Variants in TMEM134 observed in about 807,000 individuals in gnomAD.
TMEM134 encodes the protein transmembrane protein 134.
Under a neutral mutation model 26.2 loss-of-function variants are expected in TMEM134, and 36 were observed. The observed-to-expected ratio is 1.37, with a 90% confidence interval of 1.05 to 1.81. The LOEUF (loss-of-function observed/expected upper bound fraction) is 1.81, where lower values mean the gene tolerates loss of function less well. Ranked by LOEUF, TMEM134 falls within the 40% of genes most tolerant of loss-of-function variation. TMEM134 has a pLI of 0.00. For missense variants in TMEM134, 339 were observed against 263.5 expected (o/e 1.29, Z -1.98); for synonymous variants, 133 against 113.6 (o/e 1.17, Z -1.08).
chr11:67,467,233 G>C (rs971280922), intron 4 of TMEM134, 79 bp downstream of exon 4: 3 of 1,378,556 alleles, frequency 2.2e-6, no homozygotes, highest in Admixed American at 3.5e-5. Context: ...CAGTGTCAAG[G>C]GGGAGGCAGA....
chr11:67,461,714 G>A lies in TMEM134; in HGVS notation c.*2900C>T, dbSNP rs1221585424. 6.6e-6 allele frequency: 1 copy of A among 152,168 alleles called. No individual in the cohort carries two copies. Among genetic ancestry groups the A allele is most frequent in the African/African-American group, 2.4e-5 (1 of 41,430 alleles). The allele number at this position is 152,168 out of a possible 1,614,324, so 9.4% of individuals were successfully genotyped here. A position where few individuals can be genotyped will look rare whatever the true frequency, so the allele number is the denominator to read the frequency against. ...AAAGTCAAGTCAACAAATGAGTGTGGCTATATCAGAAATTTTAATAAATAA... is the reference window on the plus strand; with the variant it reads ...AAAGTCAAGTCAACAAATGAGTGTGACTATATCAGAAATTTTAATAAATAA... On this transcript the variant is annotated 3_prime_UTR_variant, in exon 7 of 7. Coordinates refer to ENST00000308022, the MANE Select transcript of TMEM134 (RefSeq NM_025124.4).
Position 67,467,746 on chromosome 11 carries a change from C to T in TMEM134, c.240-156G>A, listed in dbSNP as rs1865364998. The T allele has an allele frequency of 5.4e-6, 4 of 743,922 alleles. No homozygotes were observed. In the Admixed American group the frequency reaches 6.7e-5, roughly 12 times the overall value. 46.1% of individuals were successfully genotyped at this position (743,922 alleles called of 1,614,324 possible). On this transcript the variant is annotated intron_variant, in intron 2 of 6. Transcript: ENST00000308022. Reference sequence around the variant, plus strand: ...AGGCCTCGGTGGGTGAGCATGAATTCAGGGGCTGGGGATGAGCTAGGGGAT... The same window carrying T: ...AGGCCTCGGTGGGTGAGCATGAATTTAGGGGCTGGGGATGAGCTAGGGGAT...
chr11:67,469,169 G>A lies in TMEM134; in HGVS notation c.24C>T (p.Phe8=), dbSNP rs1394147178. Residue 8 remains phenylalanine, a synonymous_variant, in exon 1 of 7, where the codon TTC becomes TTT. Transcript: ENST00000308022. MSAARPQ[F]SIDDAFELSL... ...ACAGCTCGAAGGCATCATCAATGCT[G>A]AACTGGGGCCGGGCGGCGCTCATGG... is the stretch of plus-strand genomic sequence containing the variant. 7.3e-7 allele frequency: 1 copy of A among 1,378,750 alleles called. No individual in the cohort carries two copies. The highest frequency in any genetic ancestry group is 9.5e-7 in the Non-Finnish European group (1 of 1,056,616). 85.4% of individuals were successfully genotyped at this position (1,378,750 alleles called of 1,614,324 possible).
Position 67,465,151 on chromosome 11 carries a change from G to A in TMEM134, c.407-51C>T, listed in dbSNP as rs182335661. On this transcript the variant is annotated intron_variant, in intron 4 of 6. Transcript: ENST00000308022. ...TGGGGGCAGGAGCAGTGGTGAGGGCGGGGGCTCCCACCCCCAGCCCGGCTC... is the reference window on the plus strand; with the variant it reads ...TGGGGGCAGGAGCAGTGGTGAGGGCAGGGGCTCCCACCCCCAGCCCGGCTC... 9.6e-5 allele frequency: 147 copies of A among 1,538,604 alleles called. No individual in the cohort carries two copies. In the African/African-American group the frequency reaches 1.9e-3, roughly 20 times the overall value.
Position 67,469,133 on chromosome 11 carries a change from G to A in TMEM134, c.60C>T (p.Asp20=), listed in dbSNP as rs954927179. The A allele has an allele frequency of 2.7e-6, 4 of 1,497,458 alleles. No homozygotes were observed. Among genetic ancestry groups the A allele is most frequent in the Non-Finnish European group, 3.6e-6 (4 of 1,122,326 alleles). 92.8% of individuals were successfully genotyped at this position (1,497,458 alleles called of 1,614,324 possible). A position where few individuals can be genotyped will look rare whatever the true frequency, so the allele number is the denominator to read the frequency against. Residue 20 remains aspartate, a synonymous_variant, in exon 1 of 7, where the codon GAC becomes GAT. Transcript: ENST00000308022. ...IDDAFELSLE[D]GGPGPESSGV... is the part of the protein sequence containing the mutation. ...CGCTGGACTCGGGCCCAGGGCCCCC[G>A]TCCTCCAGGGACAGCTCGAAGGCAT...
chr11:67,464,941 C>T (rs1047158209), intron 5 of TMEM134, 85 bp from the exon 6 acceptor site: 13 of 1,558,850 alleles, frequency 8.3e-6, no homozygotes, highest in Non-Finnish European at 1.1e-5. Flanking sequence ...CCGGGCAAGC[C>T]TCACTCCCAG....
At chr11:67,465,163 C>G (rs1297805582) in intron 4 of TMEM134, 63 bp from the exon 5 acceptor site, 1 of 1,534,846 alleles carries the variant, frequency 6.5e-7, no homozygotes, top group Non-Finnish European at 8.7e-7. Flanking sequence ...GGGCTCCCAC[C>G]CCCAGCCCGG....
In TMEM134 at chr11:67,461,717, A is replaced by G. The variant is rs907485637; in HGVS notation, c.*2897T>C. ...GTCAAGTCAACAAATGAGTGTGGCT[A>G]TATCAGAAATTTTAATAAATAACAG... is the stretch of plus-strand genomic sequence containing the variant. On this transcript the variant is annotated 3_prime_UTR_variant, in exon 7 of 7. Transcript: ENST00000308022. The G allele has an allele frequency of 1.3e-5, 2 of 152,254 alleles. No homozygotes were observed. The highest frequency in any genetic ancestry group is 2.4e-5 in the African/African-American group (1 of 41,456). 9.4% of individuals were successfully genotyped at this position (152,254 alleles called of 1,614,324 possible).
At position 67,462,191 on chromosome 11, in the gene TMEM134, A is replaced by C. The variant is rs981572444; in HGVS notation, c.*2423T>G. On this transcript the variant is annotated 3_prime_UTR_variant, in exon 7 of 7. Coordinates refer to ENST00000308022, the MANE Select transcript of TMEM134 (RefSeq NM_025124.4). ...CAAAAAAAAAACAAAAAAAAAAAAAACAAGGAGTAAAAAGTTGTTAGCTGC... is the reference window on the plus strand; with the variant it reads ...CAAAAAAAAAACAAAAAAAAAAAAACCAAGGAGTAAAAAGTTGTTAGCTGC... 2 of 147,324 alleles carry C rather than the reference A, an allele frequency of 1.4e-5. No individual in the cohort carries two copies. The highest frequency in any genetic ancestry group is 5.0e-5 in the African/African-American group (2 of 39,880). The allele number at this position is 147,324 out of a possible 1,614,324, so 9.1% of individuals were successfully genotyped here. A position where few individuals can be genotyped will look rare whatever the true frequency, so the allele number is the denominator to read the frequency against.
At chr11:67,464,749 C>T in intron 6 of TMEM134, 53 bp from the exon 7 acceptor site, 19 of 1,548,994 alleles carry the variant, frequency 1.2e-5, no homozygotes, top group South Asian at 9.5e-5. Flanking sequence ...CGCAACACCG[C>T]CCCCAGTGCC....
chr11:67,468,180 C>A, intron 1 of TMEM134, 88 bp from the exon 2 acceptor site: 2 of 1,289,876 alleles, frequency 1.6e-6, no homozygotes, highest in Admixed American at 2.1e-5. Context: ...GCCTACACAA[C>A]CATTTGCCTG....
Position 67,464,344 on chromosome 11 carries a change from G to A in TMEM134, c.*270C>T, listed in dbSNP as rs1179323515. On this transcript the variant is annotated 3_prime_UTR_variant, in exon 7 of 7. Coordinates refer to ENST00000308022, the MANE Select transcript of TMEM134 (RefSeq NM_025124.4). ...CTAGCAGTGGCAGGACAGGAGGAGA[G>A]CAATTGCCTCTGGTGGAATTAATTA... The A allele has an allele frequency of 7.4e-6, 4 of 539,480 alleles. No homozygotes were observed. The highest frequency in any genetic ancestry group is 1.3e-5 in the Non-Finnish European group (4 of 300,040). The allele number at this position is 539,480 out of a possible 1,614,324, so 33.4% of individuals were successfully genotyped here.
In TMEM134 at chr11:67,465,016, AG is replaced by A. The variant is rs879206309; in HGVS notation, c.451+39del. 3.3e-6 allele frequency: 5 copies of A among 1,510,024 alleles called. No individual in the cohort carries two copies. In the South Asian group the frequency reaches 5.9e-5, roughly 18 times the overall value. 93.5% of individuals were successfully genotyped at this position (1,510,024 alleles called of 1,614,324 possible). A position where few individuals can be genotyped will look rare whatever the true frequency, so the allele number is the denominator to read the frequency against. On this transcript the variant is annotated intron_variant, in intron 5 of 6. Transcript: ENST00000308022. ...TGCCGTGGACCCGTGGACACAAGAC[AG>A]GGGTGTCCTCTGCCTGTGGGGGCGG...
chr11:67,467,464 G>A lies in TMEM134; in HGVS notation c.329+37C>T, dbSNP rs1565172423. 5 of 1,612,886 alleles carry A rather than the reference G, an allele frequency of 3.1e-6. No homozygotes were observed. The South Asian group carries it at 4.4e-5, about 14-fold the overall frequency. On this transcript the variant is annotated intron_variant, in intron 3 of 6. Transcript: ENST00000308022. Reference sequence around the variant, plus strand: ...GCAGGAGGCTGTGGGGGTGGAGCCAGGGCTGCTCGGCTGGGGGCTTAGGCG... The same window carrying A: ...GCAGGAGGCTGTGGGGGTGGAGCCAAGGCTGCTCGGCTGGGGGCTTAGGCG...
Position 67,464,578 on chromosome 11 carries a change from C to G in TMEM134, c.*36G>C. 6.5e-7 allele frequency: 1 copy of G among 1,546,356 alleles called. No individual in the cohort carries two copies. Among genetic ancestry groups the G allele is most frequent in the Non-Finnish European group, 8.8e-7 (1 of 1,142,186 alleles). On this transcript the variant is annotated 3_prime_UTR_variant, in exon 7 of 7. Transcript: ENST00000308022. The stretch of plus-strand genomic sequence containing the variant: ...GGAACGGAACAGGGCAAGAGGGGCG[C>G]CCCCATGGGCGCAAGGGGTCCACGC...
intron 1 of TMEM134, chr11:67,468,341 G>T: frequency 1.9e-6 from 1 of 535,556 alleles, no homozygotes; most frequent in Non-Finnish European, 3.4e-6. Flanking sequence ...CCCAACTTTG[G>T]GTTAGGGTGG....
rs1591010530 is a variant in TMEM134, at chr11:67,463,312, A to G, written c.*1302T>C. The G allele has an allele frequency of 6.6e-6, 1 of 152,172 alleles. No homozygotes were observed. The highest frequency in any genetic ancestry group is 6.5e-5 in the Admixed American group (1 of 15,288). 9.4% of individuals were successfully genotyped at this position (152,172 alleles called of 1,614,324 possible). On this transcript the variant is annotated 3_prime_UTR_variant, in exon 7 of 7. Coordinates refer to ENST00000308022, the MANE Select transcript of TMEM134 (RefSeq NM_025124.4). The stretch of plus-strand genomic sequence containing the variant: ...GCAGGTGCACCAACAGGGCCTCCCA[A>G]CCCTTGCTCACTCAGCCAGCCTCTT...
At chr11:67,467,694 G>A in intron 2 of TMEM134, 104 bp from the exon 3 acceptor site, 1 of 1,186,542 alleles carries the variant, frequency 8.4e-7, no homozygotes, top group South Asian at 1.3e-5. Flanking sequence ...ACTGGGGCTG[G>A]CCCCTTGCAG....
At chr11:67,464,747 C>G (rs1385808161) in intron 6 of TMEM134, 51 bp from the exon 7 acceptor site, 20 of 1,549,236 alleles carry the variant, frequency 1.3e-5, no homozygotes, top group Non-Finnish European at 1.7e-5. Context: ...CCCGCAACAC[C>G]GCCCCCAGTG....
Sources: allele counts gnomAD v4.1 joint callset, GRCh38; gene constraint gnomAD v4.1.1; transcripts MANE v1.5; gene names NCBI Gene and HGNC (gene_info 2026-07-23, HGNC 2026-07-21).